PDE1A: variants seen among roughly 807,000 people sequenced by gnomAD.
The protein encoded by PDE1A is dual specificity calcium/calmodulin-dependent 3',5'-cyclic nucleotide phosphodiesterase 1A.
A neutral mutation model predicts 61.7 loss-of-function variants in PDE1A; 35 were observed. The ratio of observed to expected loss-of-function variants is 0.57; its 90% CI spans 0.43 to 0.75. PDE1A has a LOEUF of 0.75. Ranked by LOEUF, PDE1A falls within the 30% of genes least tolerant of loss-of-function variation. The pLI, the probability that PDE1A is intolerant of heterozygous loss-of-function variation, is 0.00. For synonymous variants in PDE1A, 232 were observed against 213.2 expected (o/e 1.09, Z -0.77); for missense variants, 597 against 630.6 (o/e 0.95, Z 0.57).
the PDE1A span, among the ~76,000 whole-genome samples, chr2:182,656,659 T>C: frequency 6.6e-6 from 1 of 152,214 alleles, no homozygotes; most frequent in Non-Finnish European, 1.5e-5. Flanking sequence ...AAAAGCCTAT[T>C]TGCAGAAATT....
chr2:182,264,353 T>C, exon 2 of PDE1A: 1 of 1,613,744 alleles, frequency 6.2e-7, no homozygotes, highest in Non-Finnish European at 8.5e-7. Flanking sequence ...TATTCAATAT[T>C]CTTCTTTAAG....
intron 1 of PDE1A, among the ~76,000 whole-genome samples, chr2:182,311,415 AG>A (rs1695962795): frequency 6.6e-6 from 1 of 152,244 alleles, no homozygotes; most frequent in South Asian, 2.1e-4. Flanking sequence ...AATAAGTTTT[AG>A]CAAATGTATA....
At chr2:182,276,460 T>A (rs538692789) in intron 1 of PDE1A, among the ~76,000 whole-genome samples, 1 of 152,270 alleles carries the variant, frequency 6.6e-6, no homozygotes, top group South Asian at 2.1e-4. Context: ...ATTTATCAGT[T>A]CCCAAATAAT....
At chr2:182,551,052 CA>C in the PDE1A span, among the ~76,000 whole-genome samples, 224 of 138,488 alleles carry the variant, frequency 1.6e-3, no homozygotes, top group Middle Eastern at 7.4e-3. Flanking sequence ...TCAGCAAATA[CA>C]AAAAAAAAAA....
At chr2:182,360,806 G>A (rs879359594) in intron 1 of PDE1A, among the ~76,000 whole-genome samples, 2 of 151,806 alleles carry the variant, frequency 1.3e-5, no homozygotes, top group Non-Finnish European at 2.9e-5. Context: ...CCTGTACTCA[G>A]TTGATCTGCT....
the PDE1A span, among the ~76,000 whole-genome samples, chr2:182,680,663 G>A: frequency 6.6e-6 from 1 of 152,186 alleles, no homozygotes; most frequent in Non-Finnish European, 1.5e-5. Flanking sequence ...CACAGTTTGT[G>A]ACGTTTCACA....
chr2:182,576,049 A>G, the PDE1A span, among the ~76,000 whole-genome samples: 5 of 151,114 alleles, frequency 3.3e-5, no homozygotes, highest in African/African-American at 1.2e-4. Context: ...CTTTTTAAAA[A>G]TTGTGATAAA....
At chr2:182,605,304 C>T in the PDE1A span, among the ~76,000 whole-genome samples, 9 of 152,206 alleles carry the variant, frequency 5.9e-5, no homozygotes, top group African/African-American at 2.2e-4. Flanking sequence ...ACTAGCTGTT[C>T]CCTCACAGCT....
chr2:182,493,025 A>G (rs566373369), intron 2 of PDE1A, among the ~76,000 whole-genome samples: 6 of 151,932 alleles, frequency 3.9e-5, no homozygotes, highest in African/African-American at 1.4e-4. Flanking sequence ...TTTCAACCAC[A>G]CTTCTTTTAT....
At chr2:182,416,223 C>T (rs1435812108) in intron 1 of PDE1A, among the ~76,000 whole-genome samples, 2 of 152,148 alleles carry the variant, frequency 1.3e-5, no homozygotes, top group South Asian at 2.1e-4. Context: ...TGGCATTATT[C>T]GTAGATGTTT....
chr2:182,214,103 G>A (rs1407879486), intron 7 of PDE1A, among the ~76,000 whole-genome samples: 3 of 149,062 alleles, frequency 2.0e-5, no homozygotes, highest in Admixed American at 6.7e-5. Context: ...AAGAGAGTGG[G>A]GGCCAATATT....
Position 182,223,848 on chromosome 2 carries a change from A to G in PDE1A, c.776+16T>C. 1.4e-6 allele frequency: 2 copies of G among 1,430,638 alleles called. No individual in the cohort carries two copies. The highest frequency in any genetic ancestry group is 1.3e-5 in the South Asian group (1 of 78,406). 88.6% of individuals were successfully genotyped at this position (1,430,638 alleles called of 1,614,324 possible). A position where few individuals can be genotyped will look rare whatever the true frequency, so the allele number is the denominator to read the frequency against. ...CAAATTTTAACTAATGAAAGTTAAT[A>G]CTTTTTCAGACTTACCTTGTCTGAA... On this transcript the variant is annotated intron_variant, in intron 7 of 13. Transcript: ENST00000351439.
At chr2:182,516,702 G>GAGGAAGGACGGAAGGAAGGAAGGA (rs1690182622) in intron 2 of PDE1A, among the ~76,000 whole-genome samples, 1 of 116,764 alleles carries the variant, frequency 8.6e-6, no homozygotes, top group Non-Finnish European at 1.7e-5. Context: ...GGGAGGAAGG[G>GAGGAAGGACGGAAGGAAGGAAGGA]AGGAAGGAAG....
At chr2:182,681,984 C>T in the PDE1A span, among the ~76,000 whole-genome samples, 1 of 152,212 alleles carries the variant, frequency 6.6e-6, no homozygotes, top group Non-Finnish European at 1.5e-5. Context: ...CTGTTCTCAA[C>T]ACAGTTTGGT....
intron 2 of PDE1A, among the ~76,000 whole-genome samples, chr2:182,506,232 C>T (rs565225886): frequency 2.2e-4 from 34 of 152,230 alleles, no homozygotes; most frequent in African/African-American, 7.0e-4. Flanking sequence ...GCAATCTGAT[C>T]GAATTCTTTT....
chr2:182,345,544 C>T (rs6736414), intron 1 of PDE1A, among the ~76,000 whole-genome samples: 30,789 of 152,124 alleles, frequency 0.2, 3,284 homozygotes, highest in Middle Eastern at 0.28. Context: ...AGACTCTACA[C>T]AGCCTTATCC....
intron 2 of PDE1A, among the ~76,000 whole-genome samples, chr2:182,471,937 G>A (rs1687054011): frequency 6.6e-6 from 1 of 151,730 alleles, no homozygotes; most frequent in Non-Finnish European, 1.5e-5. Flanking sequence ...GAAGACAAAT[G>A]TCCAACAAGC....
At chr2:182,221,841 G>C (rs1688753807) in intron 7 of PDE1A, among the ~76,000 whole-genome samples, 2 of 151,958 alleles carry the variant, frequency 1.3e-5, no homozygotes, top group Admixed American at 1.3e-4. Flanking sequence ...CTGACCAAGT[G>C]CATATAGACA....
At chr2:182,282,572 T>C (rs545344947) in intron 1 of PDE1A, among the ~76,000 whole-genome samples, 8 of 152,142 alleles carry the variant, frequency 5.3e-5, no homozygotes, top group Admixed American at 3.3e-4. Context: ...CATCCCAATA[T>C]TTGTAGGTAA....
Sources: gnomAD v4.1 joint callset for allele counts (sites outside exome capture counted in the v4.1 genomes callset) on GRCh38, gnomAD v4.1.1 for gene constraint, MANE v1.5 for transcripts, NCBI Gene and HGNC (gene_info 2026-07-23, HGNC 2026-07-21) for gene names.